ARL15: variants seen among roughly 807,000 people sequenced by gnomAD.
ARL15 encodes the protein ARF like GTPase 15.
A neutral mutation model predicts 25.2 loss-of-function variants in ARL15; 19 were observed. That is an observed-to-expected ratio of 0.75 (90% CI 0.53 to 1.10). The LOEUF (loss-of-function observed/expected upper bound fraction) is 1.10. Ranked by LOEUF, ARL15 falls within the 50% of genes least tolerant of loss-of-function variation. ARL15 has a pLI of 0.00. For missense variants in ARL15, 220 were observed against 246.0 expected, an observed-to-expected ratio of 0.89 and a Z score of 0.71; for synonymous variants, 94 against 86.8, an observed-to-expected ratio of 1.08 and a Z score of -0.46.
chr5:54,270,396 G>A (rs535332820), intron 1 of ARL15, among the ~76,000 whole-genome samples: 5 of 152,262 alleles, frequency 3.3e-5, no homozygotes, highest in East Asian at 3.9e-4. Flanking sequence ...AAGGGGAAGC[G>A]ATAAAGGAGA....
chr5:54,181,130 A>G (rs1468602524), intron 1 of ARL15, among the ~76,000 whole-genome samples: 2 of 152,236 alleles, frequency 1.3e-5, no homozygotes, highest in Non-Finnish European at 2.9e-5. Context: ...CCAGCTATGC[A>G]TAATTTCACA....
rs567874549 is a variant in ARL15, at chr5:53,980,607, G to C, written c.463-93894C>G. Reference sequence around the variant, plus strand: ...TCTCTATACCTGCTTAACTCCATTTGTTCACTTTAATTTACTTTTAATCCC... The same window carrying C: ...TCTCTATACCTGCTTAACTCCATTTCTTCACTTTAATTTACTTTTAATCCC... On this transcript the variant is annotated intron_variant, in intron 4 of 4. Coordinates refer to ENST00000504924, the MANE Select transcript of ARL15 (RefSeq NM_019087.3). 5.3e-5 allele frequency among the ~76,000 whole-genome samples: 8 copies of C among 152,264 alleles called. No homozygotes were observed. In the South Asian group the frequency reaches 1.7e-3, roughly 32 times the overall value.
rs553509243 is a variant in ARL15 at position 53,981,900 on chromosome 5, C to CAAAAA, written c.463-95192_463-95188dup. Among the ~76,000 whole-genome samples, 15 of 144,684 alleles carry CAAAAA rather than the reference C, an allele frequency of 1.0e-4. 1 individual carries two copies. The highest frequency in any genetic ancestry group is 2.1e-4 in the East Asian group (1 of 4,832). The allele number at this position is 144,684 out of a possible 152,430, so 94.9% of individuals were successfully genotyped here. ...GGGCAACAAGAGTGAAACTCTGTCTCAAAAAAAAAGAAAAGAAAAAAGAAA... is the reference window on the plus strand; with the variant it reads ...GGGCAACAAGAGTGAAACTCTGTCTCAAAAAAAAAAAAAAGAAAAGAAAAAAGAAA... On this transcript the variant is annotated intron_variant, in intron 4 of 4. Coordinates refer to ENST00000504924, the MANE Select transcript of ARL15 (RefSeq NM_019087.3).
chr5:53,886,426 G>C lies in ARL15; in HGVS notation c.*135C>G. On this transcript the variant is annotated 3_prime_UTR_variant, in exon 5 of 5. Transcript: ENST00000504924. ...TCTACAGAATATTCACTTTAATAGA[G>C]AGATGAGAGTCTGAAATGACCAGAG... 1.1e-6 allele frequency: 1 copy of C among 894,882 alleles called. No homozygotes were observed. Among genetic ancestry groups the C allele is most frequent in the Non-Finnish European group, 1.6e-6 (1 of 607,188 alleles). 55.4% of individuals were successfully genotyped at this position (894,882 alleles called of 1,614,324 possible). A position where few individuals can be genotyped will look rare whatever the true frequency, so the allele number is the denominator to read the frequency against.
intron 4 of ARL15, among the ~76,000 whole-genome samples, chr5:54,092,410 A>C (rs892294820): frequency 5.3e-5 from 8 of 151,846 alleles, no homozygotes; most frequent in African/African-American, 1.9e-4. Flanking sequence ...TTCTTAGACA[A>C]ATTCCTAATG....
At chr5:54,142,537 G>A (rs971276945) in intron 3 of ARL15, among the ~76,000 whole-genome samples, 1 of 152,126 alleles carries the variant, frequency 6.6e-6, no homozygotes, top group Non-Finnish European at 1.5e-5. Flanking sequence ...GACAGCCCAT[G>A]CTCTCCTGGA....
intron 4 of ARL15, among the ~76,000 whole-genome samples, chr5:53,965,504 G>C (rs1045587982): frequency 1.3e-5 from 2 of 152,162 alleles, no homozygotes; most frequent in African/African-American, 4.8e-5. Flanking sequence ...TGAGGTGGGG[G>C]GGACTTGTGT....
At chr5:53,947,974 A>T (rs964952372) in intron 4 of ARL15, among the ~76,000 whole-genome samples, 5 of 152,292 alleles carry the variant, frequency 3.3e-5, no homozygotes, top group African/African-American at 1.2e-4. Flanking sequence ...GATTAAAGAA[A>T]ATAGAAATTA....
chr5:54,294,407 G>A (rs1293145882), intron 1 of ARL15, among the ~76,000 whole-genome samples: 1 of 152,202 alleles, frequency 6.6e-6, no homozygotes, highest in South Asian at 2.1e-4. Flanking sequence ...GTAGTTACAA[G>A]GGTCATCCCT....
chr5:53,898,108 T>TGAG lies in ARL15; in HGVS notation c.463-11398_463-11396dup, dbSNP rs1244331055. Among the ~76,000 whole-genome samples the TGAG allele has an allele frequency of 2.0e-5, 3 of 152,080 alleles. No individual in the cohort carries two copies. The South Asian group carries it at 6.2e-4, about 32-fold the overall frequency. ...TTCACTGTCTTCATGTTGAGCACGC[T>TGAG]GAGGAGGAGGAGGAAGAGAGGTTGG... On this transcript the variant is annotated intron_variant, in intron 4 of 4. Coordinates refer to ENST00000504924, the MANE Select transcript of ARL15 (RefSeq NM_019087.3).
At chr5:54,256,378 A>G (rs1283470556) in intron 1 of ARL15, among the ~76,000 whole-genome samples, 1 of 150,164 alleles carries the variant, frequency 6.7e-6, no homozygotes, top group Non-Finnish European at 1.5e-5. Flanking sequence ...AGAAATCCTG[A>G]ACAGAAGAAT....
At chr5:53,923,767 A>T (rs1207627466) in intron 4 of ARL15, among the ~76,000 whole-genome samples, 1 of 152,172 alleles carries the variant, frequency 6.6e-6, no homozygotes, top group Non-Finnish European at 1.5e-5. Context: ...CGGGAGGCTG[A>T]GGCAGGAGAA....
At chr5:54,003,665 TA>T (rs1748920001) in intron 4 of ARL15, among the ~76,000 whole-genome samples, 143 of 4,898 alleles carry the variant, frequency 0.029, no homozygotes, top group African/African-American at 0.084. Flanking sequence ...ATTTTCTTTC[TA>T]TCTATCTATC....
intron 2 of ARL15, among the ~76,000 whole-genome samples, chr5:54,169,284 A>G (rs1431177705): frequency 1.3e-5 from 2 of 152,216 alleles, no homozygotes; most frequent in Non-Finnish European, 2.9e-5. Context: ...ATATTTTAGA[A>G]GCTATTTTGA....
chr5:53,939,176 T>C (rs1284574465), intron 4 of ARL15, among the ~76,000 whole-genome samples: 1 of 152,244 alleles, frequency 6.6e-6, no homozygotes, highest in Non-Finnish European at 1.5e-5. Flanking sequence ...GCACTCTGGA[T>C]GAGTGAAAAG....
At position 54,310,551 on chromosome 5, in the gene ARL15, C is replaced by T; in HGVS notation, c.-72G>A. ...AGCAGCGTCTCTGGCTGCGAGCGAG[C>T]AGCTCCTGAAAAAGCCAGCAACAGC... is the stretch of plus-strand genomic sequence containing the variant. On this transcript the variant is annotated 5_prime_UTR_variant, in exon 1 of 5. Transcript: ENST00000504924. 3.3e-6 allele frequency: 5 copies of T among 1,514,214 alleles called. No individual in the cohort carries two copies. The Admixed American group carries it at 8.4e-5, about 25-fold the overall frequency. The allele number at this position is 1,514,214 out of a possible 1,614,324, so 93.8% of individuals were successfully genotyped here. A position where few individuals can be genotyped will look rare whatever the true frequency, so the allele number is the denominator to read the frequency against.
At chr5:54,048,981 T>A (rs1750622690) in intron 4 of ARL15, among the ~76,000 whole-genome samples, 1 of 152,022 alleles carries the variant, frequency 6.6e-6, no homozygotes, top group Non-Finnish European at 1.5e-5. Context: ...ACCCATCCTG[T>A]GGTTATTTCC....
At chr5:54,215,627 G>A (rs577606849) in intron 1 of ARL15, among the ~76,000 whole-genome samples, 146 of 142,276 alleles carry the variant, frequency 1.0e-3, no homozygotes, top group African/African-American at 3.4e-3. Context: ...AAGGGGGGAG[G>A]GGGGGAAAAA....
intron 4 of ARL15, among the ~76,000 whole-genome samples, chr5:54,089,059 CT>C (rs1752057575): frequency 1.3e-5 from 2 of 152,116 alleles, no homozygotes; most frequent in African/African-American, 4.8e-5. Flanking sequence ...AAAGAAGTAA[CT>C]TGGTAATGCA....
Sources: allele counts gnomAD v4.1 joint callset (sites outside exome capture counted in the v4.1 genomes callset), GRCh38; gene constraint gnomAD v4.1.1; transcripts MANE v1.5; gene names NCBI Gene and HGNC (gene_info 2026-07-23, HGNC 2026-07-21).